STOX2: variants seen among roughly 807,000 people sequenced by gnomAD.
The protein encoded by STOX2 is storkhead-box protein 2.
In STOX2, 28 loss-of-function variants were observed where a neutral mutation model predicts 60.9. The ratio of observed to expected loss-of-function variants is 0.46; its 90% confidence interval spans 0.34 to 0.63. The LOEUF (loss-of-function observed/expected upper bound fraction) is 0.63, where lower values mean the gene tolerates loss of function less well. Ranked by LOEUF, STOX2 falls within the 30% of genes least tolerant of loss-of-function variation. The pLI is 0.01. For missense variants in STOX2, 1,024 were observed against 1,187.7 expected, an observed-to-expected ratio of 0.86 and a Z score of 2.03; for synonymous variants, 472 against 463.9, an observed-to-expected ratio of 1.02 and a Z score of -0.22.
At chr4:183,915,626 G>T (rs115725746) in intron 1 of STOX2, among the ~76,000 whole-genome samples, 8 of 152,298 alleles carry the variant, frequency 5.3e-5, no homozygotes, top group Non-Finnish European at 1.2e-4. Flanking sequence ...AATAGGGTGA[G>T]CCCTAGATCC....
intron 1 of STOX2, among the ~76,000 whole-genome samples, chr4:183,994,710 C>T (rs1055973104): frequency 1.3e-5 from 2 of 152,166 alleles, no homozygotes; most frequent in South Asian, 4.1e-4. Context: ...AGACTGGGTA[C>T]TTATCAAAAT....
upstream of STOX2, among the ~76,000 whole-genome samples, chr4:183,903,786 C>T (rs1741515842): frequency 6.6e-6 from 1 of 152,136 alleles, no homozygotes; most frequent in Non-Finnish European, 1.5e-5. Context: ...ACCAGCGGCC[C>T]CCAACCTTTT....
At chr4:183,907,387 C>T (rs1477773155) in intron 1 of STOX2, among the ~76,000 whole-genome samples, 1 of 152,172 alleles carries the variant, frequency 6.6e-6, no homozygotes, top group African/African-American at 2.4e-5. Context: ...ATGCGCAGCT[C>T]TGGATGGGCT....
rs528602108 is a variant in STOX2, at chr4:183,813,775, T to C, written c.364+15720T>C. ...AGAGTCAATGCTAATTGGCGGCTGGTAGTAATTTCTAAACTACCATTTTAA... is the reference window on the plus strand; with the variant it reads ...AGAGTCAATGCTAATTGGCGGCTGGCAGTAATTTCTAAACTACCATTTTAA... On this transcript the variant is annotated intron_variant, in intron 1 of 2. Transcript: ENST00000513034. 4.6e-5 allele frequency among the ~76,000 whole-genome samples: 7 copies of C among 152,322 alleles called. No homozygotes were observed. In the South Asian group the frequency reaches 1.4e-3, roughly 32 times the overall value.
At chr4:183,809,632 C>T (rs1738992013) in intron 1 of STOX2, among the ~76,000 whole-genome samples, 1 of 151,890 alleles carries the variant, frequency 6.6e-6, no homozygotes, top group Admixed American at 6.6e-5. Flanking sequence ...TTCCTGACCT[C>T]GTGATCTGCC....
intron 1 of STOX2, among the ~76,000 whole-genome samples, chr4:183,891,299 T>TATATATATATCTATGATGGA (rs1249580618): frequency 4.4e-4 from 4 of 9,102 alleles, no homozygotes; most frequent in Admixed American, 1.5e-3. Context: ...TGATGGAATA[T>TATATATATATCTATGATGGA]ATATATATAT....
intron 1 of STOX2, among the ~76,000 whole-genome samples, chr4:183,972,167 G>C (rs941171627): frequency 2.6e-5 from 4 of 152,172 alleles, no homozygotes; most frequent in African/African-American, 9.7e-5. Context: ...GTGCGTGCTG[G>C]GGGAGGAGGA....
intron 1 of STOX2, among the ~76,000 whole-genome samples, chr4:183,976,116 T>A (rs758679608): frequency 3.3e-5 from 5 of 152,112 alleles, no homozygotes; most frequent in Non-Finnish European, 7.4e-5. Context: ...ATCGAGAACA[T>A]CCTGGCCAAC....
chr4:183,899,643 C>T (rs952385276), intron 1 of STOX2, among the ~76,000 whole-genome samples: 7 of 152,056 alleles, frequency 4.6e-5, no homozygotes, highest in Admixed American at 6.5e-5. Context: ...GAAGAAGCTG[C>T]GAAGGAAAGT....
intron 1 of STOX2, among the ~76,000 whole-genome samples, chr4:183,937,326 C>T (rs1215399596): frequency 6.6e-6 from 1 of 152,206 alleles, no homozygotes; most frequent in Non-Finnish European, 1.5e-5. Flanking sequence ...TGTTTAGACA[C>T]AGCTTTCCTG....
intron 3 of STOX2, chr4:184,015,142 A>C (rs956336986): frequency 3.3e-5 from 5 of 152,188 alleles, no homozygotes; most frequent in Admixed American, 2.6e-4. Flanking sequence ...GGTACATCCC[A>C]TCATAACTCT....
At position 184,009,168 on chromosome 4, in the gene STOX2, G is replaced by A. The variant is rs376097882; in HGVS notation, c.330G>A (p.Thr110=). 4.5e-5 allele frequency: 26 copies of A among 579,836 alleles called. No homozygotes were observed. Among genetic ancestry groups the A allele is most frequent in the Non-Finnish European group, 6.0e-5 (23 of 383,322 alleles). 35.9% of individuals were successfully genotyped at this position (579,836 alleles called of 1,614,324 possible). A position where few individuals can be genotyped will look rare whatever the true frequency, so the allele number is the denominator to read the frequency against. The stretch of plus-strand genomic sequence containing the variant: ...TTTTTTTTTTTTCAGGTGTTCCAAC[G>A]CCAAGCCAAGAAATTCTGCGGCACA... ...HLTTCFPGVP[T]PSQEILRHTL... Residue 110 remains threonine, a synonymous_variant, in exon 3 of 4, where the codon ACG becomes ACA. Coordinates refer to ENST00000308497, the MANE Select transcript of STOX2 (RefSeq NM_020225.3). This position sits in a 1 kb window ranked among gnomAD's most constrained non-coding sequence, Gnocchi z 4.0.
At position 183,868,246 on chromosome 4, in the gene STOX2, G is replaced by T. The variant is rs74740086; in HGVS notation, c.364+70191G>T. ...AGAAAGGAGGCCAGAATACCAGAGA[G>T]CCATGGACAACCATTTCTTTACATT... On this transcript the variant is annotated intron_variant, in intron 1 of 2. Transcript: ENST00000513034. Among the ~76,000 whole-genome samples, 1,255 of 152,176 alleles carry T rather than the reference G, an allele frequency of 8.2e-3. 14 individuals are homozygous for T. The highest frequency in any genetic ancestry group is 0.029 in the African/African-American group (1,213 of 41,520).
chr4:183,955,573 A>G (rs528719982), intron 1 of STOX2, among the ~76,000 whole-genome samples: 3 of 152,200 alleles, frequency 2.0e-5, no homozygotes, highest in African/African-American at 7.2e-5. Context: ...AACAGCTGAT[A>G]TCTGGGAGTT....
intron 1 of STOX2, among the ~76,000 whole-genome samples, chr4:183,941,992 A>G (rs577415250): frequency 2.6e-4 from 40 of 152,216 alleles, no homozygotes; most frequent in Non-Finnish European, 4.3e-4. Context: ...CCCATTAAAA[A>G]GTATGGATGG....
At chr4:183,852,152 AGAAAGGATGAGG>A (rs1560846234) in intron 1 of STOX2, among the ~76,000 whole-genome samples, 8 of 6,160 alleles carry the variant, frequency 1.3e-3, no homozygotes, top group African/African-American at 3.0e-3. Flanking sequence ...AAAGGATGAG[AGAAAGGATGAGG>A]GAAAGGATGA....
Position 184,009,364 on chromosome 4 carries a change from G to A in STOX2, c.526G>A (p.Gly176Arg), listed in dbSNP as rs1734033358. Residue 176 changes from glycine (G) to arginine (R), a missense_variant, in exon 3 of 4, where the codon GGG (glycine) becomes AGG (arginine). Gly to Arg is a moderately radical substitution (Grantham distance 125, BLOSUM62 -2). Around this residue, in one of 3 missense-constraint regions of STOX2, gnomAD observed 922 missense variants for 1,058.3 expected, o/e 0.87. Transcript: ENST00000308497. This position sits in a 1 kb window ranked among gnomAD's most constrained non-coding sequence, Gnocchi z 4.0. ...GTCTCAGTGCACCTCTCCGCAACCC[G>A]GGACCATCACGCCCTCTGCCTCAGG... ...DRSQCTSPQP[G>R]TITPSASGCV... 6 of 1,613,968 alleles carry A rather than the reference G, an allele frequency of 3.7e-6. No individual in the cohort carries two copies. Among genetic ancestry groups the A allele is most frequent in the Non-Finnish European group, 5.1e-6 (6 of 1,179,892 alleles).
chr4:184,001,503 T>G lies in STOX2; in HGVS notation c.319+26T>G. On this transcript the variant is annotated intron_variant, in intron 2 of 3. Transcript: ENST00000308497. This position sits in a 1 kb window ranked among gnomAD's most constrained non-coding sequence, Gnocchi z 4.2. ...GTAACGAGGCGGGAACGTAGCACTT[T>G]CCAGGTGGCGGTGTGCTGTGGTCGC... The G allele has an allele frequency of 1.2e-6, 2 of 1,611,954 alleles. No homozygotes were observed. Among genetic ancestry groups the G allele is most frequent in the Non-Finnish European group, 1.7e-6 (2 of 1,179,150 alleles).
chr4:183,918,660 C>T (rs1477379240), intron 1 of STOX2, among the ~76,000 whole-genome samples: 8 of 152,222 alleles, frequency 5.3e-5, no homozygotes, highest in South Asian at 2.1e-4. Flanking sequence ...GTTCCTCCTT[C>T]GGTGAGTTTA....
Sources: allele counts gnomAD v4.1 joint callset (sites outside exome capture counted in the v4.1 genomes callset), GRCh38; gene constraint gnomAD v4.1.1; regional missense constraint gnomAD v4.1.1; non-coding constraint Gnocchi (gnomAD v3.1); transcripts MANE v1.5; gene names NCBI Gene and HGNC (gene_info 2026-07-23, HGNC 2026-07-21).